KIF3C: variants seen among roughly 807,000 people sequenced by gnomAD.
KIF3C encodes kinesin family member 3C.
A neutral mutation model predicts 67.7 loss-of-function variants in KIF3C; 12 were observed. That is an observed-to-expected ratio of 0.18 (90% confidence interval 0.11 to 0.29). The LOEUF is 0.29. Among genes scored for constraint, KIF3C ranks in the 10% least tolerant of loss-of-function variants. The pLI, the probability that KIF3C is intolerant of heterozygous loss-of-function variation, is 1.00. For missense variants in KIF3C, 789 were observed against 1,059.6 expected, an observed-to-expected ratio of 0.74 and a Z score of 3.55; for synonymous variants, 393 against 426.2, an observed-to-expected ratio of 0.92 and a Z score of 0.96.
chr2:25,963,570 T>A (rs1664062711), intron 1 of KIF3C, among the ~76,000 whole-genome samples: 1 of 151,824 alleles, frequency 6.6e-6, no homozygotes, highest in South Asian at 2.1e-4. Flanking sequence ...ATTTTGTGTA[T>A]CTTGGAACAT....
rs1663771523 is a variant in KIF3C, at chr2:25,955,052, C to G, written c.1770+489G>C. Among the ~76,000 whole-genome samples, 1 of 152,304 alleles carries G rather than the reference C, an allele frequency of 6.6e-6. No individual in the cohort carries two copies. Among genetic ancestry groups the G allele is most frequent in the South Asian group, 2.1e-4 (1 of 4,818 alleles). ...AGCTTTGCTGCTTCCTGCCCTAGACCCCCCTCACATGTACATGTCTTTCCC... is the reference window on the plus strand; with the variant it reads ...AGCTTTGCTGCTTCCTGCCCTAGACGCCCCTCACATGTACATGTCTTTCCC... On this transcript the variant is annotated intron_variant, in intron 3 of 7. Transcript: ENST00000264712. The surrounding 1 kb of genome is among the most constrained non-coding windows in gnomAD (Gnocchi z 5.0).
In KIF3C at chr2:25,963,101, T is replaced by C. The variant is rs1664040753; in HGVS notation, c.1546-6657A>G. Among the ~76,000 whole-genome samples the C allele has an allele frequency of 3.8e-5, 4 of 105,586 alleles. No homozygotes were observed. In the South Asian group the frequency reaches 1.0e-3, roughly 27 times the overall value. The allele number at this position is 105,586 out of a possible 152,430, so 69.3% of individuals were successfully genotyped here. ...ACACACATATATGCATATATATACA[T>C]ATACATGTGTACATAGATACATGTA... is the stretch of plus-strand genomic sequence containing the variant. On this transcript the variant is annotated intron_variant, in intron 1 of 7. Coordinates refer to ENST00000264712, the MANE Select transcript of KIF3C (RefSeq NM_002254.8).
intron 3 of KIF3C, 80 bp from the exon 4 acceptor site, chr2:25,954,465 G>T: frequency 9.5e-7 from 1 of 1,052,660 alleles, no homozygotes; most frequent in East Asian, 2.5e-5. Context: ...CCGCAGGGCT[G>T]CAGGCTCAGA....
chr2:25,938,357 C>CTCAA, intron 5 of KIF3C: 1 of 327,424 alleles, frequency 3.1e-6, no homozygotes, highest in Non-Finnish European at 6.1e-6. Flanking sequence ...GTCTGAGTCT[C>CTCAA]AAAAAAAAAA....
intron 5 of KIF3C, among the ~76,000 whole-genome samples, chr2:25,946,260 G>A (rs534194930): frequency 1.3e-5 from 2 of 152,286 alleles, no homozygotes; most frequent in Non-Finnish European, 2.9e-5. Context: ...GAATCACAGA[G>A]AGGAAAGGTG....
chr2:25,939,260 G>A (rs968767443), intron 5 of KIF3C, among the ~76,000 whole-genome samples: 8 of 152,062 alleles, frequency 5.3e-5, no homozygotes, highest in Admixed American at 2.6e-4. Context: ...GAGCCACCGC[G>A]GCTGGCCTCC....
intron 1 of KIF3C, among the ~76,000 whole-genome samples, chr2:25,962,782 ATATATAATATATAT>A (rs1404748205): frequency 5.2e-5 from 5 of 95,474 alleles, no homozygotes; most frequent in Non-Finnish European, 9.6e-5. Context: ...TATATGTTAT[ATATATAATATATAT>A]TATATAATAT....
chr2:25,937,688 G>A (rs940127972), intron 5 of KIF3C, among the ~76,000 whole-genome samples: 5 of 152,142 alleles, frequency 3.3e-5, no homozygotes, highest in African/African-American at 4.8e-5. Flanking sequence ...GAGGTGCAGC[G>A]CCTTTTGTGT....
chr2:25,969,027 T>A (rs1664212773), intron 1 of KIF3C, among the ~76,000 whole-genome samples: 1 of 152,134 alleles, frequency 6.6e-6, no homozygotes, highest in African/African-American at 2.4e-5. Context: ...TTTCGCCACG[T>A]TGGTCAGGCT....
intron 4 of KIF3C, among the ~76,000 whole-genome samples, chr2:25,953,035 G>A (rs34247435): frequency 0.16 from 24,915 of 151,566 alleles, 2,319 homozygotes; most frequent in African/African-American, 0.25. Context: ...TTGGGAGGCC[G>A]AGGAGGACGG....
At chr2:25,932,530 G>C (rs146451441) in intron 5 of KIF3C, among the ~76,000 whole-genome samples, 141 of 151,564 alleles carry the variant, frequency 9.3e-4, no homozygotes, top group African/African-American at 3.2e-3. Flanking sequence ...ACATTTCTCA[G>C]TTTCAAAACT....
chr2:25,951,596 G>C, intron 5 of KIF3C, 193 bp downstream of exon 5: 1 of 523,420 alleles, frequency 1.9e-6, no homozygotes, highest in Non-Finnish European at 3.4e-6. Context: ...TTTTTTCCCA[G>C]AACACCCTTC....
rs979613732 is a variant in KIF3C, at chr2:25,953,367, A to AT, written c.1889+899dup. Among the ~76,000 whole-genome samples the AT allele has an allele frequency of 3.2e-3, 479 of 149,140 alleles. 3 individuals are homozygous for AT. Among genetic ancestry groups the AT allele is most frequent in the African/African-American group, 0.011 (438 of 40,932 alleles). On this transcript the variant is annotated intron_variant, in intron 4 of 7. Transcript: ENST00000264712. ...AATTTTTAAAACAAATTTAAAAATA[A>AT]TTTTTTTTTTTGAGACAGAGTCTTG...
rs1405706980 is a variant in KIF3C at position 25,980,138 on chromosome 2, T to C, written c.1545+235A>G. 2.0e-5 allele frequency among the ~76,000 whole-genome samples: 3 copies of C among 152,152 alleles called. No individual in the cohort carries two copies. The East Asian group carries it at 5.8e-4, about 29-fold the overall frequency. On this transcript the variant is annotated intron_variant, in intron 1 of 7. Transcript: ENST00000264712. The surrounding 1 kb of genome is among the most constrained non-coding windows in gnomAD (Gnocchi z 7.6). The stretch of plus-strand genomic sequence containing the variant: ...TCAGACCACCCCAAGCTCACTGGCT[T>C]GAGAGACCGCCTGTCCACGTTGCTT...
At chr2:25,940,512 G>A (rs1663253635) in intron 5 of KIF3C, among the ~76,000 whole-genome samples, 1 of 151,684 alleles carries the variant, frequency 6.6e-6, no homozygotes, top group South Asian at 2.1e-4. Context: ...GGGGGTTGCA[G>A]TGAGCTGAGA....
chr2:25,963,049 A>AT (rs1247110003), intron 1 of KIF3C, among the ~76,000 whole-genome samples: 4 of 79,080 alleles, frequency 5.1e-5, no homozygotes, highest in African/African-American at 5.6e-5. Context: ...ATAATATATA[A>AT]ATATATAAAT....
chr2:25,970,525 A>G (rs1664251876), intron 1 of KIF3C, among the ~76,000 whole-genome samples: 1 of 151,798 alleles, frequency 6.6e-6, no homozygotes, highest in African/African-American at 2.4e-5. Context: ...AAAATTAGCC[A>G]GGTGTGGTGG....
At chr2:25,933,735 T>C (rs188104760) in intron 5 of KIF3C, among the ~76,000 whole-genome samples, 1 of 150,730 alleles carries the variant, frequency 6.6e-6, no homozygotes, top group Admixed American at 6.6e-5. Context: ...ATGACTATAA[T>C]TTAAAGACAG....
At chr2:25,931,788 C>G (rs907712846) in intron 5 of KIF3C, among the ~76,000 whole-genome samples, 1 of 151,962 alleles carries the variant, frequency 6.6e-6, no homozygotes, top group South Asian at 2.1e-4. Flanking sequence ...CAGGCAAACA[C>G]CACCACACCC....
Sources: allele counts gnomAD v4.1 joint callset (sites outside exome capture counted in the v4.1 genomes callset), GRCh38; gene constraint gnomAD v4.1.1; non-coding constraint Gnocchi (gnomAD v3.1); transcripts MANE v1.5; gene names NCBI Gene and HGNC (gene_info 2026-07-23, HGNC 2026-07-21).